The following RASGRP3 variants were observed in gnomAD, a reference collection of about 807,000 sequenced individuals.
The protein encoded by RASGRP3 is ras guanyl-releasing protein 3.
RASGRP3 carries 54 observed loss-of-function variants against 82.7 expected under a neutral mutation model. The ratio of observed to expected loss-of-function variants is 0.65; its 90% CI spans 0.52 to 0.82. The LOEUF (loss-of-function observed/expected upper bound fraction) is 0.82, where lower values mean the gene tolerates loss of function less well. RASGRP3 is among the 40% of genes least tolerant of loss of function. RASGRP3 has a pLI of 0.00. For synonymous variants in RASGRP3, 309 were observed against 300.5 expected (o/e 1.03, Z -0.29); for missense variants, 861 against 828.9 (o/e 1.04, Z -0.48).
intron 2 of RASGRP3, among the ~76,000 whole-genome samples, chr2:33,469,787 G>A (rs987096594): frequency 1.3e-5 from 2 of 152,148 alleles, no homozygotes; most frequent in African/African-American, 4.8e-5. Context: ...TAACTCTTTA[G>A]TCTAACATGC....
At chr2:33,558,404 T>G in intron 16 of RASGRP3, 68 bp downstream of exon 16, 1 of 1,607,922 alleles carries the variant, frequency 6.2e-7, no homozygotes, top group Non-Finnish European at 8.5e-7. Context: ...TGGACCTCAT[T>G]TAGGTTCTGG....
At chr2:33,502,921 C>T (rs1351413192) in intron 1 of RASGRP3, among the ~76,000 whole-genome samples, 2 of 152,122 alleles carry the variant, frequency 1.3e-5, no homozygotes, top group Non-Finnish European at 2.9e-5. Flanking sequence ...AAATACACAT[C>T]AGAAACCCTA....
intron 17 of RASGRP3, chr2:33,559,708 C>T: frequency 8.0e-6 from 4 of 498,320 alleles, no homozygotes; most frequent in South Asian, 4.4e-5. Flanking sequence ...CATGATATTC[C>T]TAACATTTAA....
At chr2:33,558,574 G>T in intron 16 of RASGRP3, 98 bp from the exon 17 acceptor site, 1 of 1,200,784 alleles carries the variant, frequency 8.3e-7, no homozygotes. Context: ...GGTTCCTCTA[G>T]AATGTTGCAT....
At chr2:33,536,627 G>C (rs1443878909) in intron 11 of RASGRP3, among the ~76,000 whole-genome samples, 1 of 152,046 alleles carries the variant, frequency 6.6e-6, no homozygotes, top group African/African-American at 2.4e-5. Context: ...TTTGTTGTAA[G>C]AGTAGAAGCT....
At chr2:33,498,160 A>G (rs1669503936) in intron 1 of RASGRP3, among the ~76,000 whole-genome samples, 1 of 152,234 alleles carries the variant, frequency 6.6e-6, no homozygotes, top group Non-Finnish European at 1.5e-5. Flanking sequence ...CCTTACCAAG[A>G]AAATAATAAC....
intron 1 of RASGRP3, among the ~76,000 whole-genome samples, chr2:33,509,783 C>T (rs1670755353): frequency 6.6e-6 from 1 of 152,200 alleles, no homozygotes; most frequent in Non-Finnish European, 1.5e-5. Flanking sequence ...CCGACACCAA[C>T]CCCTTCTACC....
chr2:33,560,371 A>C (rs1676511887), intron 17 of RASGRP3, among the ~76,000 whole-genome samples: 1 of 152,194 alleles, frequency 6.6e-6, no homozygotes, highest in African/African-American at 2.4e-5. Context: ...GGCCTAGCAC[A>C]GTTCAAGCTG....
At chr2:33,444,540 C>T (rs1348983841) in intron 1 of RASGRP3, among the ~76,000 whole-genome samples, 2 of 152,134 alleles carry the variant, frequency 1.3e-5, no homozygotes, top group Non-Finnish European at 2.9e-5. Context: ...CAAATCTAAA[C>T]AGAAGAGCTA....
chr2:33,557,679 C>T (rs545539428), intron 15 of RASGRP3, among the ~76,000 whole-genome samples: 60 of 150,776 alleles, frequency 4.0e-4, no homozygotes, highest in African/African-American at 1.3e-3. Flanking sequence ...CACTGCACTC[C>T]AGCCTGGGCA....
chr2:33,547,046 T>C (rs1674834935), intron 13 of RASGRP3, among the ~76,000 whole-genome samples: 1 of 117,432 alleles, frequency 8.5e-6, no homozygotes, highest in Non-Finnish European at 1.7e-5. Context: ...CGAATCTCTG[T>C]CTCAGGGAAA....
intron 11 of RASGRP3, among the ~76,000 whole-genome samples, 170 bp from the exon 12 acceptor site, chr2:33,538,923 TA>T (rs1171126580): frequency 2.0e-5 from 3 of 151,810 alleles, no homozygotes; most frequent in Admixed American, 1.3e-4. Flanking sequence ...CCTGTAGTCC[TA>T]GATACTTGGG....
chr2:33,498,149 C>T (rs966870073), intron 1 of RASGRP3, among the ~76,000 whole-genome samples: 2 of 152,094 alleles, frequency 1.3e-5, no homozygotes, highest in African/African-American at 2.4e-5. Flanking sequence ...ACTTTTTGGT[C>T]CCTTACCAAG....
chr2:33,523,718 G>A (rs535561798), intron 7 of RASGRP3, among the ~76,000 whole-genome samples, 161 bp from the exon 8 acceptor site: 10 of 152,252 alleles, frequency 6.6e-5, no homozygotes, highest in Admixed American at 2.6e-4. Context: ...ACATTTTAAA[G>A]ACACATGTAT....
chr2:33,497,907 A>G (rs1165330112), intron 1 of RASGRP3, among the ~76,000 whole-genome samples: 1 of 152,228 alleles, frequency 6.6e-6, no homozygotes, highest in African/African-American at 2.4e-5. Flanking sequence ...GTCATAGAAG[A>G]AATGGGATTT....
At chr2:33,455,487 T>C (rs971845606) in intron 2 of RASGRP3, among the ~76,000 whole-genome samples, 3 of 152,234 alleles carry the variant, frequency 2.0e-5, no homozygotes, top group African/African-American at 7.2e-5. Flanking sequence ...TCTGGAGAGA[T>C]GCTGCTTACA....
At chr2:33,501,247 C>G (rs779550330) in intron 1 of RASGRP3, among the ~76,000 whole-genome samples, 1 of 152,204 alleles carries the variant, frequency 6.6e-6, no homozygotes, top group Non-Finnish European at 1.5e-5. Context: ...CAGCATGTAT[C>G]AGTACCTTGT....
chr2:33,542,857 A>T (rs1322743204), intron 12 of RASGRP3, among the ~76,000 whole-genome samples: 2 of 151,526 alleles, frequency 1.3e-5, no homozygotes, highest in African/African-American at 4.9e-5. Flanking sequence ...CTAATTTCTT[A>T]TTTTATTTTA....
chr2:33,562,821 A>C lies in RASGRP3; in HGVS notation c.*84A>C. 2.4e-5 allele frequency: 36 copies of C among 1,523,966 alleles called. No individual in the cohort carries two copies. Among genetic ancestry groups the C allele is most frequent in the Non-Finnish European group, 2.8e-5 (31 of 1,101,698 alleles). 94.4% of individuals were successfully genotyped at this position (1,523,966 alleles called of 1,614,324 possible). On this transcript the variant is annotated 3_prime_UTR_variant, in exon 18 of 18. Coordinates refer to ENST00000403687, the MANE Select transcript of RASGRP3 (RefSeq NM_001139488.2). ...AACTCTGAAGAAAGCTCTGACTCTC[A>C]GGAAGTTATCTGGAAAGATACCTGG...
Sources: gnomAD v4.1 joint callset for allele counts (sites outside exome capture counted in the v4.1 genomes callset) on GRCh38, gnomAD v4.1.1 for gene constraint, MANE v1.5 for transcripts, NCBI Gene and HGNC (gene_info 2026-07-23, HGNC 2026-07-21) for gene names.